HYCC1: variants seen among roughly 807,000 people sequenced by gnomAD.
HYCC1 encodes the protein hyccin PI4KA lipid kinase complex subunit 1.
At chr7:22,950,443 A>G in the HYCC1 span, among the ~76,000 whole-genome samples, 2 of 152,018 alleles carry the variant, frequency 1.3e-5, no homozygotes, top group South Asian at 2.1e-4. Flanking sequence ...CACTCAATAC[A>G]TCTTTTTTTG....
the HYCC1 span, among the ~76,000 whole-genome samples, chr7:22,985,271 C>G: frequency 6.6e-6 from 1 of 152,114 alleles, no homozygotes; most frequent in East Asian, 1.9e-4. Flanking sequence ...AATTAAACAG[C>G]ATAAATTTTT....
chr7:23,013,542 A>T, the HYCC1 span, among the ~76,000 whole-genome samples: 2 of 152,158 alleles, frequency 1.3e-5, no homozygotes, highest in Non-Finnish European at 2.9e-5. Context: ...CCCACCCGGC[A>T]GAGGGGCGGC....
At chr7:22,929,845 T>TATA in the HYCC1 span, among the ~76,000 whole-genome samples, 2 of 152,214 alleles carry the variant, frequency 1.3e-5, no homozygotes, top group African/African-American at 4.8e-5. Flanking sequence ...TTACTGGGTA[T>TATA]ATACCCAAAG....
chr7:22,898,933 T>C, the HYCC1 span, among the ~76,000 whole-genome samples: 6 of 152,158 alleles, frequency 3.9e-5, no homozygotes, highest in East Asian at 7.7e-4. Context: ...TTCCAAGCAC[T>C]CCCTTGTGTG....
chr7:22,934,235 C>CA, the HYCC1 span: 1 of 49,818 alleles, frequency 2.0e-5, no homozygotes, highest in Non-Finnish European at 3.7e-5. Flanking sequence ...TTTTTTTTTT[C>CA]CCTCTCTGAG....
the HYCC1 span, among the ~76,000 whole-genome samples, chr7:22,989,285 A>AACACACACACAC: frequency 1.1e-4 from 16 of 148,690 alleles, no homozygotes; most frequent in East Asian, 2.0e-3. Flanking sequence ...ACAAGCAGGA[A>AACACACACACAC]ACACACACAC....
chr7:22,978,260 A>C, the HYCC1 span: 1 of 1,613,548 alleles, frequency 6.2e-7, no homozygotes, highest in Non-Finnish European at 8.5e-7. Context: ...AACTCCATTA[A>C]ATACAAACCA....
the HYCC1 span, among the ~76,000 whole-genome samples, chr7:22,956,758 C>T: frequency 6.6e-6 from 1 of 151,716 alleles, no homozygotes; most frequent in Non-Finnish European, 1.5e-5. Context: ...TAACCTAAAA[C>T]TGCTCTAAAA....
At chr7:22,995,166 C>T in the HYCC1 span, among the ~76,000 whole-genome samples, 3 of 152,006 alleles carry the variant, frequency 2.0e-5, no homozygotes, top group African/African-American at 7.2e-5. Context: ...TTCTTATTAC[C>T]ACTCAAGATC....
the HYCC1 span, among the ~76,000 whole-genome samples, chr7:22,896,897 G>A: frequency 6.6e-3 from 1,005 of 152,242 alleles, 7 homozygotes; most frequent in African/African-American, 0.021. Context: ...ATTAAGGGGA[G>A]AACAAGATAA....
chr7:22,952,893 C>T, the HYCC1 span, among the ~76,000 whole-genome samples: 1 of 151,886 alleles, frequency 6.6e-6, no homozygotes, highest in East Asian at 1.9e-4. Flanking sequence ...AATCTGAGCT[C>T]TGAAGCAGTA....
chr7:22,990,870 T>C, the HYCC1 span, among the ~76,000 whole-genome samples: 1 of 152,058 alleles, frequency 6.6e-6, no homozygotes, highest in Non-Finnish European at 1.5e-5. Flanking sequence ...TTGAACCACT[T>C]GGGGGAAAAA....
chr7:22,924,483 C>T, the HYCC1 span, among the ~76,000 whole-genome samples: 1 of 152,230 alleles, frequency 6.6e-6, no homozygotes, highest in Non-Finnish European at 1.5e-5. Context: ...CACTCCCACC[C>T]TAATACTGTG....
the HYCC1 span, among the ~76,000 whole-genome samples, chr7:22,950,615 A>C: frequency 6.6e-6 from 1 of 152,044 alleles, no homozygotes; most frequent in Admixed American, 6.6e-5. Context: ...CATGGCAAAG[A>C]AAAGCAAAGC....
chr7:23,009,535 T>C, the HYCC1 span, among the ~76,000 whole-genome samples: 5 of 152,158 alleles, frequency 3.3e-5, no homozygotes, highest in Non-Finnish European at 5.9e-5. Flanking sequence ...TTGGATAAGC[T>C]ATTCTGTTTT....
chr7:22,915,739 A>G, the HYCC1 span, among the ~76,000 whole-genome samples: 4 of 152,282 alleles, frequency 2.6e-5, no homozygotes, highest in South Asian at 8.3e-4. Context: ...CCTTGCCTCC[A>G]TAATTGTTGT....
chr7:22,929,964 T>C, the HYCC1 span, among the ~76,000 whole-genome samples: 452 of 152,118 alleles, frequency 3.0e-3, 13 homozygotes, highest in Admixed American at 0.029. Context: ...AATGATAGAC[T>C]GGATTAAGAA....
chr7:22,959,946 A>G, the HYCC1 span, among the ~76,000 whole-genome samples: 1 of 152,216 alleles, frequency 6.6e-6, no homozygotes, highest in South Asian at 2.1e-4. Flanking sequence ...ACATTTGCAA[A>G]TACTTTTGAA....
At chr7:22,977,165 T>A in the HYCC1 span, among the ~76,000 whole-genome samples, 1 of 152,076 alleles carries the variant, frequency 6.6e-6, no homozygotes, top group Non-Finnish European at 1.5e-5. Flanking sequence ...TTTAGTTTGA[T>A]GTTCATTTAT....
Sources: allele counts gnomAD v4.1 joint callset (sites outside exome capture counted in the v4.1 genomes callset), GRCh38; gene constraint gnomAD v4.1.1; transcripts MANE v1.5; gene names NCBI Gene and HGNC (gene_info 2026-07-23, HGNC 2026-07-21).